RNLS: variants seen among roughly 807,000 people sequenced by gnomAD.
The protein encoded by RNLS is renalase.
Under a neutral mutation model 39.8 loss-of-function variants are expected in RNLS, and 39 were observed. The ratio of observed to expected loss-of-function variants is 0.98; its 90% confidence interval spans 0.76 to 1.28. RNLS has a LOEUF of 1.28. Ranked by LOEUF, RNLS falls within the 50% of genes most tolerant of loss-of-function variation. RNLS has a pLI of 0.00. For missense variants in RNLS, 410 were observed against 413.3 expected, an observed-to-expected ratio of 0.99 and a Z score of 0.07; for synonymous variants, 147 against 150.7, an observed-to-expected ratio of 0.98 and a Z score of 0.18.
In RNLS at chr10:88,581,620, A is replaced by C; in HGVS notation, c.314T>G (p.Phe105Cys). ...GMVMKEGDCN[F>C]VAPQGISSII... ...TGAAGAAATTCCTTGAGGTGCCACA[A>C]AGTTACAGTCTCCTTCTTTCATCAC... The change falls in exon 3 of 7, where the codon TTT becomes TGT. Residue 105 changes from phenylalanine (F) to cysteine (C), a missense_variant. Physicochemically the swap from Phe to Cys is radical, Grantham distance 205. Coordinates refer to ENST00000331772, the MANE Select transcript of RNLS (RefSeq NM_001031709.3). 1 of 1,609,694 alleles carries C rather than the reference A, an allele frequency of 6.2e-7. No homozygotes were observed. Among genetic ancestry groups the C allele is most frequent in the Non-Finnish European group, 8.5e-7 (1 of 1,177,986 alleles).
chr10:88,522,926 T>A (rs1846845792), intron 4 of RNLS, among the ~76,000 whole-genome samples: 1 of 152,116 alleles, frequency 6.6e-6, no homozygotes, highest in Admixed American at 6.6e-5. Context: ...ACCACTGGTT[T>A]TTCCCCAAAG....
At chr10:88,563,013 G>A (rs939514087) in intron 4 of RNLS, among the ~76,000 whole-genome samples, 8 of 152,074 alleles carry the variant, frequency 5.3e-5, no homozygotes, top group African/African-American at 1.9e-4. Flanking sequence ...AATAAGTAAT[G>A]TGTAAGATCT....
At chr10:88,558,471 TG>T (rs1245740431) in intron 4 of RNLS, among the ~76,000 whole-genome samples, 1 of 152,220 alleles carries the variant, frequency 6.6e-6, no homozygotes, top group Non-Finnish European at 1.5e-5. Context: ...ATTTTTTTTC[TG>T]ACACAACTAA....
chr10:88,406,202 A>T (rs1309324330), intron 4 of RNLS, among the ~76,000 whole-genome samples: 1 of 152,074 alleles, frequency 6.6e-6, no homozygotes, highest in South Asian at 2.1e-4. Flanking sequence ...CAATGTGCCT[A>T]GGCAAAGATA....
chr10:88,261,078 C>T, the RNLS span, among the ~76,000 whole-genome samples: 4 of 152,148 alleles, frequency 2.6e-5, no homozygotes, highest in African/African-American at 4.8e-5. Flanking sequence ...AGCTGCTCTA[C>T]CAATTTCTGA....
chr10:88,176,535 G>T, the RNLS span, among the ~76,000 whole-genome samples: 1 of 152,170 alleles, frequency 6.6e-6, no homozygotes, highest in African/African-American at 2.4e-5. Flanking sequence ...TGATAGGTAA[G>T]AATGTACATC....
chr10:88,556,747 C>T (rs927910587), intron 4 of RNLS, among the ~76,000 whole-genome samples: 2 of 152,134 alleles, frequency 1.3e-5, no homozygotes, highest in African/African-American at 2.4e-5. Flanking sequence ...TTTACACTTT[C>T]ACTACCTTCA....
chr10:88,255,838 TC>T, the RNLS span, among the ~76,000 whole-genome samples: 1 of 152,152 alleles, frequency 6.6e-6, no homozygotes, highest in Admixed American at 6.5e-5. Context: ...TCTCACAGTT[TC>T]CCCCTAGGGC....
intron 4 of RNLS, among the ~76,000 whole-genome samples, chr10:88,371,015 G>GAAATATTTCTTTCATCCTGAGA (rs570180430): frequency 4.0e-4 from 61 of 152,188 alleles, no homozygotes; most frequent in African/African-American, 1.1e-3. Context: ...TTTCCCTGAG[G>GAAATATTTCTTTCATCCTGAGA]AAATATTTCT....
At chr10:88,363,796 A>G (rs530982151) in intron 4 of RNLS, among the ~76,000 whole-genome samples, 1 of 152,286 alleles carries the variant, frequency 6.6e-6, no homozygotes, top group East Asian at 1.9e-4. Context: ...CAGATATGTG[A>G]CACTGGTCAA....
intron 5 of RNLS, among the ~76,000 whole-genome samples, chr10:88,337,844 T>C (rs899942350): frequency 1.3e-5 from 2 of 152,192 alleles, no homozygotes; most frequent in African/African-American, 2.4e-5. Flanking sequence ...TTTAGTACTG[T>C]GTCTGGCATA....
At chr10:88,177,648 G>A in the RNLS span, among the ~76,000 whole-genome samples, 1 of 151,964 alleles carries the variant, frequency 6.6e-6, no homozygotes, top group East Asian at 1.9e-4. Flanking sequence ...ATATTTCCTT[G>A]CTTCTTCATA....
the RNLS span, among the ~76,000 whole-genome samples, chr10:88,223,048 T>C: frequency 6.6e-6 from 1 of 152,344 alleles, no homozygotes; most frequent in Non-Finnish European, 1.5e-5. Flanking sequence ...GTATCACCCC[T>C]ATATGATTAA....
At chr10:88,491,206 T>A (rs1225911808) in intron 4 of RNLS, among the ~76,000 whole-genome samples, 3 of 152,162 alleles carry the variant, frequency 2.0e-5, no homozygotes, top group Admixed American at 1.3e-4. Flanking sequence ...TAGGTTTCTT[T>A]CCAGGATTTC....
At chr10:88,575,414 A>G (rs1384137956) in intron 3 of RNLS, among the ~76,000 whole-genome samples, 1 of 151,562 alleles carries the variant, frequency 6.6e-6, no homozygotes, top group Non-Finnish European at 1.5e-5. Context: ...GAGCCTCGCA[A>G]TCCATGTTTA....
intron 4 of RNLS, among the ~76,000 whole-genome samples, chr10:88,399,703 C>T (rs1852795153): frequency 6.6e-6 from 1 of 152,008 alleles, no homozygotes; most frequent in African/African-American, 2.4e-5. Context: ...GTGCTTGTTA[C>T]ACATCTCTGT....
At chr10:88,196,868 A>G in the RNLS span, among the ~76,000 whole-genome samples, 1 of 152,206 alleles carries the variant, frequency 6.6e-6, no homozygotes, top group Non-Finnish European at 1.5e-5. Context: ...CAGTTTATAT[A>G]TTAATTCTCA....
intron 4 of RNLS, among the ~76,000 whole-genome samples, chr10:88,497,131 A>T (rs1000108159): frequency 1.3e-5 from 2 of 152,124 alleles, no homozygotes; most frequent in African/African-American, 4.8e-5. Context: ...TGAATTAATT[A>T]ATTTTTAAAA....
At chr10:88,424,255 T>C (rs1854577840) in intron 4 of RNLS, among the ~76,000 whole-genome samples, 1 of 152,156 alleles carries the variant, frequency 6.6e-6, no homozygotes, top group African/African-American at 2.4e-5. Context: ...GATGAATAAA[T>C]GAGTGAATGG....
Sources: allele counts gnomAD v4.1 joint callset (sites outside exome capture counted in the v4.1 genomes callset), GRCh38; gene constraint gnomAD v4.1.1; transcripts MANE v1.5; gene names NCBI Gene and HGNC (gene_info 2026-07-23, HGNC 2026-07-21).